Variants in MCTP2 observed in about 807,000 individuals in gnomAD.
The protein encoded by MCTP2 is multiple C2 and transmembrane domain-containing protein 2.
MCTP2 carries 132 observed loss-of-function variants against 111.6 expected under a neutral mutation model. The ratio of observed to expected loss-of-function variants is 1.18; its 90% CI spans 1.03 to 1.37. The LOEUF is 1.37. Among genes scored for constraint, MCTP2 ranks in the 40% most tolerant of loss-of-function variants. The probability of loss-of-function intolerance (pLI) is 0.00; values close to 1 mark genes in which losing one functional copy is unlikely to be tolerated. For missense variants in MCTP2, 1,183 were observed against 1,067.9 expected (o/e 1.11, Z -1.50); for synonymous variants, 395 against 387.7 (o/e 1.02, Z -0.22).
chr15:94,405,368 A>G (rs2081848237), intron 17 of MCTP2, among the ~76,000 whole-genome samples: 1 of 152,242 alleles, frequency 6.6e-6, no homozygotes, highest in Admixed American at 6.5e-5. Context: ...AGACTTTATG[A>G]AAGCAAACCA....
intron 2 of MCTP2, among the ~76,000 whole-genome samples, chr15:94,305,850 G>A (rs1221663137): frequency 1.3e-5 from 2 of 152,096 alleles, no homozygotes; most frequent in Non-Finnish European, 2.9e-5. Flanking sequence ...GAACTCGGAG[G>A]GAGAGGAGCT....
Position 94,473,519 on chromosome 15 carries a change from G to A in MCTP2, c.2470+3077G>A, listed in dbSNP as rs117926017. 4.1e-4 allele frequency among the ~76,000 whole-genome samples: 62 copies of A among 152,236 alleles called. No homozygotes were observed. In the East Asian group the frequency reaches 0.011, roughly 27 times the overall value. On this transcript the variant is annotated intron_variant, in intron 21 of 22. Coordinates refer to ENST00000357742, the MANE Select transcript of MCTP2 (RefSeq NM_001385001.1). Reference sequence around the variant, plus strand: ...TACATGAAGTATGTATTTCCAGAAGGCAGAGCTTTTCTTAGGATTAGATCC... The same window carrying A: ...TACATGAAGTATGTATTTCCAGAAGACAGAGCTTTTCTTAGGATTAGATCC...
intron 2 of MCTP2, among the ~76,000 whole-genome samples, chr15:94,300,981 G>A (rs922544163): frequency 6.6e-6 from 1 of 152,080 alleles, no homozygotes; most frequent in Admixed American, 6.6e-5. Context: ...GTAGATGTGG[G>A]GTTGTTGGGT....
intron 8 of MCTP2, among the ~76,000 whole-genome samples, chr15:94,350,896 A>T (rs2078267158): frequency 6.6e-6 from 1 of 152,016 alleles, no homozygotes; most frequent in African/African-American, 2.4e-5. Flanking sequence ...TTTTTTTTAA[A>T]TAGTAGGAAA....
intron 17 of MCTP2, among the ~76,000 whole-genome samples, chr15:94,430,680 G>T (rs564127092): frequency 1.3e-5 from 2 of 152,142 alleles, no homozygotes; most frequent in African/African-American, 4.8e-5. Flanking sequence ...CCTGGGAGGT[G>T]GAGGTTGCAG....
chr15:94,476,417 T>C (rs182591315), intron 21 of MCTP2: 2 of 233,910 alleles, frequency 8.6e-6, no homozygotes, highest in African/African-American at 4.6e-5. Context: ...GCAGAGCCCC[T>C]CTTCACCAGC....
chr15:94,379,789 TATG>T (rs1448623683), intron 12 of MCTP2, among the ~76,000 whole-genome samples: 7 of 145,316 alleles, frequency 4.8e-5, no homozygotes, highest in South Asian at 4.2e-4. Context: ...TATAATTATA[TATG>T]ATATGTAATA....
At chr15:94,390,074 ATAT>A (rs2080813258) in intron 14 of MCTP2, among the ~76,000 whole-genome samples, 1 of 25,854 alleles carries the variant, frequency 3.9e-5, no homozygotes, top group Non-Finnish European at 9.1e-5. Context: ...ATATATATAT[ATAT>A]ATATATATAT....
At chr15:94,350,584 C>T (rs1186335608) in intron 8 of MCTP2, among the ~76,000 whole-genome samples, 2 of 146,882 alleles carry the variant, frequency 1.4e-5, no homozygotes, top group African/African-American at 5.3e-5. Flanking sequence ...TAAAATAAGA[C>T]ATCCAGGCTG....
At chr15:94,357,603 A>G (rs2078702406) in intron 9 of MCTP2, among the ~76,000 whole-genome samples, 2 of 151,872 alleles carry the variant, frequency 1.3e-5, no homozygotes, top group South Asian at 4.2e-4. Context: ...CTGTGATCCA[A>G]TATATTAAGC....
intron 2 of MCTP2, among the ~76,000 whole-genome samples, chr15:94,310,023 T>C (rs2076054739): frequency 6.6e-6 from 1 of 152,204 alleles, no homozygotes; most frequent in South Asian, 2.1e-4. Context: ...TATTTAAAAT[T>C]ATTTCTCTTC....
intron 17 of MCTP2, among the ~76,000 whole-genome samples, chr15:94,430,479 C>A (rs900831908): frequency 3.4e-5 from 5 of 145,844 alleles, no homozygotes; most frequent in Non-Finnish European, 1.5e-5. Context: ...TGCCTGTAAT[C>A]CTAGCACATT....
rs548521395 is a variant in MCTP2 at position 94,349,036 on chromosome 15, CTCTA to C, written c.1005+3876_1005+3879del. On this transcript the variant is annotated intron_variant, in intron 8 of 22. Coordinates refer to ENST00000357742, the MANE Select transcript of MCTP2 (RefSeq NM_001385001.1). The stretch of plus-strand genomic sequence containing the variant: ...TCATCTATCTAATTTATCTACCCGT[CTCTA>C]TCTGTCTTCTATCTCTATTTCATCT... 1.2e-3 allele frequency among the ~76,000 whole-genome samples: 183 copies of C among 152,124 alleles called. 1 individual carries two copies. Among genetic ancestry groups the C allele is most frequent in the African/African-American group, 4.2e-3 (173 of 41,478 alleles).
chr15:94,354,449 T>C (rs2078498732), intron 8 of MCTP2, among the ~76,000 whole-genome samples: 1 of 152,172 alleles, frequency 6.6e-6, no homozygotes, highest in Non-Finnish European at 1.5e-5. Context: ...TGAGATCTGA[T>C]GGCTTTATAA....
In MCTP2 at chr15:94,243,110, G is replaced by C. The variant is rs1304222766; in HGVS notation, c.-66+11446G>C. Among the ~76,000 whole-genome samples, 5 of 138,500 alleles carry C rather than the reference G, an allele frequency of 3.6e-5. 1 individual carries two copies. In the South Asian group the frequency reaches 7.0e-4, roughly 19 times the overall value. The allele number at this position is 138,500 out of a possible 152,430, so 90.9% of individuals were successfully genotyped here. ...ATATACGTGTATATGTGTATCTACG[G>C]GTGTGTATATATGTATCTACGGGTG... On this transcript the variant is annotated intron_variant, in intron 1 of 22. Coordinates refer to ENST00000357742, the MANE Select transcript of MCTP2 (RefSeq NM_001385001.1).
At chr15:94,407,651 A>G (rs2081965328) in intron 17 of MCTP2, among the ~76,000 whole-genome samples, 1 of 152,156 alleles carries the variant, frequency 6.6e-6, no homozygotes, top group Admixed American at 6.6e-5. Context: ...CATATTTAAC[A>G]TATATAGAAT....
At chr15:94,294,848 C>G (rs970988108) in intron 1 of MCTP2, among the ~76,000 whole-genome samples, 1 of 151,544 alleles carries the variant, frequency 6.6e-6, no homozygotes, top group Non-Finnish European at 1.5e-5. Flanking sequence ...TTGGGACTCA[C>G]GTTCATCTCC....
rs931782532 is a variant in MCTP2 at position 94,481,075 on chromosome 15, A to G, written c.*2041A>G. The G allele has an allele frequency of 5.9e-5, 9 of 152,260 alleles. No homozygotes were observed. The highest frequency in any genetic ancestry group is 5.9e-4 in the Admixed American group (9 of 15,286). The allele number at this position is 152,260 out of a possible 1,614,324, so 9.4% of individuals were successfully genotyped here. A position where few individuals can be genotyped will look rare whatever the true frequency, so the allele number is the denominator to read the frequency against. ...ATTTATACAATTGTCAAAAACTTTT[A>G]GGAAAGATTCCAGAATGCTTTTGAT... On this transcript the variant is annotated 3_prime_UTR_variant, in exon 23 of 23. Transcript: ENST00000357742.
intron 1 of MCTP2, among the ~76,000 whole-genome samples, chr15:94,234,626 A>T (rs1035697267): frequency 3.3e-5 from 5 of 152,200 alleles, no homozygotes; most frequent in African/African-American, 9.7e-5. Context: ...CACTCTGGAC[A>T]CTCATGTCCA....
Sources: allele counts gnomAD v4.1 joint callset (sites outside exome capture counted in the v4.1 genomes callset), GRCh38; gene constraint gnomAD v4.1.1; transcripts MANE v1.5; gene names NCBI Gene and HGNC (gene_info 2026-07-23, HGNC 2026-07-21).